GPR55: variants seen among roughly 807,000 people sequenced by gnomAD.
The protein encoded by GPR55 is G protein-coupled receptor 55.
A neutral mutation model predicts 7.9 loss-of-function variants in GPR55; 6 were observed. The observed-to-expected ratio is 0.76, with a 90% confidence interval of 0.41 to 1.49. The LOEUF is 1.49. Among genes scored for constraint, GPR55 ranks in the 40% most tolerant of loss-of-function variants. The pLI is 0.01. For missense variants in GPR55, 376 were observed against 406.0 expected (o/e 0.93, Z 0.63); for synonymous variants, 183 against 166.8 (o/e 1.10, Z -0.75).
At chr2:230,946,345 T>C (rs1022263782) in intron 1 of GPR55, among the ~76,000 whole-genome samples, 2 of 152,236 alleles carry the variant, frequency 1.3e-5, no homozygotes, top group African/African-American at 4.8e-5. Flanking sequence ...TGGAAATTGC[T>C]ACAAGAGTAA....
At chr2:230,928,241 G>A (rs1482036307), upstream of GPR55, among the ~76,000 whole-genome samples, 1 of 152,208 alleles carries the variant, frequency 6.6e-6, no homozygotes, top group Admixed American at 6.5e-5. Flanking sequence ...GGGGCAGCAG[G>A]GGTTGGGTTG....
chr2:230,910,714 C>T lies in GPR55; in HGVS notation c.249G>A (p.Leu83=). The T allele has an allele frequency of 1.2e-6, 2 of 1,613,962 alleles. No individual in the cohort carries two copies. Among genetic ancestry groups the T allele is most frequent in the South Asian group, 2.2e-5 (2 of 91,072 alleles). Residue 83 remains leucine, a synonymous_variant, in exon 2 of 2, where the codon CTG becomes CTA. Transcript: ENST00000650999. This position sits in a 1 kb window ranked among gnomAD's most constrained non-coding sequence, Gnocchi z 5.4. The part of the protein sequence containing the change: ...LVLSLPFKMV[L]SQVQSPFPSL... ...ACGGGAAGGGGGACTGTACCTGGGA[C>T]AGGACCATCTTGAATGGGAGGGAGA...
intron 1 of GPR55, among the ~76,000 whole-genome samples, chr2:230,959,421 C>A (rs1691536096): frequency 6.6e-6 from 1 of 152,122 alleles, no homozygotes; most frequent in African/African-American, 2.4e-5. Flanking sequence ...TGCACTCCAG[C>A]CTGGGCAACA....
upstream of GPR55, among the ~76,000 whole-genome samples, chr2:230,925,390 T>C (rs1690925444): frequency 1.3e-5 from 2 of 152,114 alleles, no homozygotes; most frequent in Non-Finnish European, 1.5e-5. Flanking sequence ...TGTGTGGAAC[T>C]AGAGTGTGGA....
At position 230,910,836 on chromosome 2, in the gene GPR55, G is replaced by A; in HGVS notation, c.127C>T (p.His43Tyr). ...TTCTTAAGGAAGGTGCTGAAGCCAT[G>A]GATGGCCAGCAGGTTGAGGAGCAGG... ...LGLLLNLLAI[H>Y]GFSTFLKNRW... Residue 43 changes from histidine to tyrosine, a missense_variant, in exon 2 of 2, where the codon CAT (histidine) becomes TAT (tyrosine). By Grantham distance (83) the His-to-Tyr change is moderately conservative. Transcript: ENST00000650999. The surrounding 1 kb of genome is among the most constrained non-coding windows in gnomAD (Gnocchi z 5.4). 1 of 1,614,154 alleles carries A rather than the reference G, an allele frequency of 6.2e-7. No individual in the cohort carries two copies. The highest frequency in any genetic ancestry group is 8.5e-7 in the Non-Finnish European group (1 of 1,179,994).
In GPR55 at chr2:230,921,289, G is replaced by A. The variant is rs1055987174; in HGVS notation, c.-135+3879C>T. On this transcript the variant is annotated intron_variant, in intron 1 of 1. Transcript: ENST00000650999. ...CCATGATCAAAATAGACAGAAATTA[G>A]AGCTCTGAACAACCCAACTAATAAG... 2.0e-5 allele frequency among the ~76,000 whole-genome samples: 3 copies of A among 152,256 alleles called. No individual in the cohort carries two copies. In the South Asian group the frequency reaches 6.2e-4, roughly 32 times the overall value.
chr2:230,945,560 A>C (rs1280260293), intron 1 of GPR55, among the ~76,000 whole-genome samples: 2 of 152,184 alleles, frequency 1.3e-5, no homozygotes, highest in African/African-American at 4.8e-5. Context: ...ACGATATTAC[A>C]GATTCACTTT....
chr2:230,952,834 C>G (rs931506055), intron 1 of GPR55, among the ~76,000 whole-genome samples: 1 of 152,230 alleles, frequency 6.6e-6, no homozygotes, highest in African/African-American at 2.4e-5. Context: ...CTCTCCCCCT[C>G]CTCTTTCCTT....
chr2:230,940,852 C>T (rs548823352), intron 1 of GPR55, among the ~76,000 whole-genome samples: 44 of 152,248 alleles, frequency 2.9e-4, no homozygotes, highest in Non-Finnish European at 5.6e-4. Flanking sequence ...CATGGTGGCT[C>T]ATGCCTGTAA....
chr2:230,926,923 C>T (rs1330698834), upstream of GPR55, among the ~76,000 whole-genome samples: 5 of 152,008 alleles, frequency 3.3e-5, no homozygotes, highest in Non-Finnish European at 7.4e-5. Context: ...GAACTCCCGA[C>T]CTCGTGATTC....
At chr2:230,933,016 T>A (rs1284126316) in intron 1 of GPR55, among the ~76,000 whole-genome samples, 1 of 152,182 alleles carries the variant, frequency 6.6e-6, no homozygotes, top group African/African-American at 2.4e-5. Context: ...TTGGCAACGA[T>A]GAAGGGAAAA....
intron 1 of GPR55, among the ~76,000 whole-genome samples, chr2:230,939,554 C>T (rs1042603922): frequency 2.0e-5 from 3 of 152,200 alleles, no homozygotes; most frequent in African/African-American, 4.8e-5. Flanking sequence ...TCTCATACCA[C>T]TGGCTCCCTA....
At chr2:230,948,696 A>G (rs1463995362) in intron 1 of GPR55, among the ~76,000 whole-genome samples, 2 of 152,250 alleles carry the variant, frequency 1.3e-5, no homozygotes, top group African/African-American at 4.8e-5. Flanking sequence ...ATTCTATTAA[A>G]TGTATATGCC....
chr2:230,912,412 C>G (rs1180554540), intron 1 of GPR55, among the ~76,000 whole-genome samples: 8 of 152,068 alleles, frequency 5.3e-5, no homozygotes, highest in Admixed American at 5.2e-4. Context: ...GTGACCACTG[C>G]AGCTATTTAT....
rs1057282419 is a variant in GPR55 at position 230,932,588 on chromosome 2, G to A, written c.-134-21492C>T. Among the ~76,000 whole-genome samples, 7 of 152,192 alleles carry A rather than the reference G, an allele frequency of 4.6e-5. No homozygotes were observed. In the South Asian group the frequency reaches 8.3e-4, roughly 18 times the overall value. On this transcript the variant is annotated intron_variant, in intron 1 of 1. Transcript: ENST00000392039. ...ATATGATAAAGGTACATAAAGCTCC[G>A]AACAGAAGGACATGTTCATTACAAG... is the stretch of plus-strand genomic sequence containing the variant.
At chr2:230,946,527 G>A (rs919031368) in intron 1 of GPR55, among the ~76,000 whole-genome samples, 4 of 152,184 alleles carry the variant, frequency 2.6e-5, no homozygotes, top group South Asian at 2.1e-4. Flanking sequence ...GCTGAGGACC[G>A]GAGAGTGTGG....
intron 1 of GPR55, among the ~76,000 whole-genome samples, chr2:230,951,694 A>AT (rs892086198): frequency 1.3e-5 from 2 of 149,508 alleles, no homozygotes; most frequent in African/African-American, 2.5e-5. Context: ...GTAAGCAGGG[A>AT]TTTTTTTCCC....
intron 1 of GPR55, among the ~76,000 whole-genome samples, chr2:230,938,973 C>G (rs1255718736): frequency 6.6e-6 from 1 of 152,226 alleles, no homozygotes; most frequent in African/African-American, 2.4e-5. Flanking sequence ...TCAGCTGCAG[C>G]ATGGCTCCCA....
At chr2:230,946,771 C>G (rs1358782133) in intron 1 of GPR55, among the ~76,000 whole-genome samples, 1 of 152,194 alleles carries the variant, frequency 6.6e-6, no homozygotes, top group Non-Finnish European at 1.5e-5. Flanking sequence ...TCTGGCAGAG[C>G]TGGAAGAAAG....
Sources: allele counts gnomAD v4.1 joint callset (sites outside exome capture counted in the v4.1 genomes callset), GRCh38; gene constraint gnomAD v4.1.1; non-coding constraint Gnocchi (gnomAD v3.1); transcripts MANE v1.5; gene names NCBI Gene and HGNC (gene_info 2026-07-23, HGNC 2026-07-21).